CCDC97: variants seen among roughly 807,000 people sequenced by gnomAD.
CCDC97 encodes the protein coiled-coil domain containing 97.
In CCDC97, 27 loss-of-function variants were observed where a neutral mutation model predicts 33.9. The ratio of observed to expected loss-of-function variants is 0.80; its 90% CI spans 0.59 to 1.10. The LOEUF (loss-of-function observed/expected upper bound fraction) is 1.10. Among genes scored for constraint, CCDC97 ranks in the 50% least tolerant of loss-of-function variants. The probability of loss-of-function intolerance (pLI) is 0.00; values close to 1 mark genes in which losing one functional copy is unlikely to be tolerated. For synonymous variants in CCDC97, 217 were observed against 194.0 expected, an observed-to-expected ratio of 1.12 and a Z score of -0.99; for missense variants, 422 against 476.6, an observed-to-expected ratio of 0.89 and a Z score of 1.07.
At chr19:41,312,386 A>G (rs1054818085) in intron 1 of CCDC97, among the ~76,000 whole-genome samples, 1 of 151,968 alleles carries the variant, frequency 6.6e-6, no homozygotes, top group Non-Finnish European at 1.5e-5. Flanking sequence ...CACTTGGCCC[A>G]TTCAGGTTTT....
rs575154909 is a variant in CCDC97, at chr19:41,322,970, CTCTT to C, written c.*259_*262del. The C allele has an allele frequency of 9.6e-4, 313 of 325,688 alleles. 6 individuals carry two copies. In the South Asian group the frequency reaches 0.012, roughly 13 times the overall value. 20.2% of individuals were successfully genotyped at this position (325,688 alleles called of 1,614,324 possible). On this transcript the variant is annotated 3_prime_UTR_variant, in exon 5 of 5. Transcript: ENST00000269967. ...GGTGTCTGTCTGGGCTTCTTTCTGT[CTCTT>C]TCTGTCTTTCTGTCTCTCTCCCTAC...
intron 3 of CCDC97, 139 bp downstream of exon 3, chr19:41,319,991 C>CT (rs2037802543): frequency 3.3e-6 from 2 of 606,586 alleles, no homozygotes; most frequent in Non-Finnish European, 5.8e-6. Flanking sequence ...GCCTGACTCT[C>CT]TGTGTATGCC....
intron 1 of CCDC97, among the ~76,000 whole-genome samples, chr19:41,311,475 G>A (rs1483680593): frequency 6.6e-6 from 1 of 152,110 alleles, no homozygotes; most frequent in Non-Finnish European, 1.5e-5. Flanking sequence ...GCTTACACCT[G>A]TAATCGCAGC....
intron 2 of CCDC97, among the ~76,000 whole-genome samples, chr19:41,319,138 C>T (rs1308390730): frequency 6.6e-6 from 1 of 152,228 alleles, no homozygotes; most frequent in East Asian, 1.9e-4. Flanking sequence ...GAGCTCCAGA[C>T]CGTCAGAGCC....
Position 41,316,611 on chromosome 19 carries a change from A to T in CCDC97, c.274A>T (p.Lys92Ter), listed in dbSNP as rs1360807665. 8.1e-6 allele frequency: 13 copies of T among 1,614,094 alleles called. No homozygotes were observed. The highest frequency in any genetic ancestry group is 1.0e-5 in the Non-Finnish European group (12 of 1,180,048). ...QGEPDLTEHE[K>*]VAILAQLYHE... is the part of the protein sequence containing the mutation. The stretch of plus-strand genomic sequence containing the variant: ...TGAACCCGACTTGACAGAGCATGAG[A>T]AAGTGGCCATCCTGGCCCAGCTGTA... The change falls in exon 2 of 5, where the codon AAA (lysine) becomes TAA (stop). Residue 92 changes from lysine to a stop codon, truncating the protein, a stop_gained. Coordinates refer to ENST00000269967, the MANE Select transcript of CCDC97 (RefSeq NM_052848.3). LOFTEE classifies it high-confidence loss of function.
chr19:41,313,296 C>CT (rs2037708386), intron 1 of CCDC97, among the ~76,000 whole-genome samples: 1 of 152,186 alleles, frequency 6.6e-6, no homozygotes, highest in South Asian at 2.1e-4. Context: ...ACCCACAGCT[C>CT]TGTCTCCAGC....
At chr19:41,319,549 C>T (rs775918189) in intron 2 of CCDC97, 25 bp from the exon 3 acceptor site, 3 of 1,543,372 alleles carry the variant, frequency 1.9e-6, no homozygotes, top group South Asian at 1.2e-5. Context: ...TCACCCCATG[C>T]CCACCCTGTC....
chr19:41,311,822 C>T (rs762948307), intron 1 of CCDC97, among the ~76,000 whole-genome samples: 3 of 152,046 alleles, frequency 2.0e-5, no homozygotes, highest in East Asian at 1.9e-4. Flanking sequence ...TCACTTGAGC[C>T]CAGGAGGTCA....
chr19:41,320,552 T>TG lies in CCDC97; in HGVS notation c.911+87dup, dbSNP rs750771178. On this transcript the variant is annotated intron_variant, in intron 4 of 4. Transcript: ENST00000269967. Reference sequence around the variant, plus strand: ...CACATGCAGAGCCCTTAACAAGCTGTGGGGGTCTCCCTTTGTGGAGCTACA... The same window carrying TG: ...CACATGCAGAGCCCTTAACAAGCTGTGGGGGGTCTCCCTTTGTGGAGCTACA... 110 of 1,564,002 alleles carry TG rather than the reference T, an allele frequency of 7.0e-5. No homozygotes were observed. The East Asian group carries it at 2.2e-3, about 31-fold the overall frequency.
chr19:41,315,409 C>A (rs2037734015), intron 1 of CCDC97, among the ~76,000 whole-genome samples: 1 of 151,282 alleles, frequency 6.6e-6, no homozygotes, highest in Admixed American at 6.6e-5. Context: ...GAGTTGGAGA[C>A]CAGCCTAGCC....
intron 4 of CCDC97, 152 bp from the exon 5 acceptor site, chr19:41,322,443 C>T (rs1199913904): frequency 1.3e-6 from 1 of 761,156 alleles, no homozygotes; most frequent in South Asian, 2.0e-5. Context: ...GAGTTTTAAA[C>T]CCTGAGAGTT....
chr19:41,320,147 C>T (rs2037805181), intron 3 of CCDC97, among the ~76,000 whole-genome samples, 194 bp from the exon 4 acceptor site: 1 of 152,200 alleles, frequency 6.6e-6, no homozygotes, highest in Admixed American at 6.5e-5. Flanking sequence ...GATACAGTCT[C>T]CAGAGCACTA....
In CCDC97 at chr19:41,322,865, C is replaced by G; in HGVS notation, c.*150C>G. 2.5e-6 allele frequency: 2 copies of G among 793,284 alleles called. No homozygotes were observed. The highest frequency in any genetic ancestry group is 4.0e-5 in the South Asian group (2 of 50,118). The allele number at this position is 793,284 out of a possible 1,614,324, so 49.1% of individuals were successfully genotyped here. A position where few individuals can be genotyped will look rare whatever the true frequency, so the allele number is the denominator to read the frequency against. ...ACCATCTCACTGGGTCTAGTCTCATCTCAGACAACCCCCACCCCCACTGTT... is the reference window on the plus strand; with the variant it reads ...ACCATCTCACTGGGTCTAGTCTCATGTCAGACAACCCCCACCCCCACTGTT... On this transcript the variant is annotated 3_prime_UTR_variant, in exon 5 of 5. Transcript: ENST00000269967.
chr19:41,318,081 A>C (rs2037771933), intron 2 of CCDC97, among the ~76,000 whole-genome samples: 1 of 151,802 alleles, frequency 6.6e-6, no homozygotes. Context: ...GATGGAGATA[A>C]AGGAAGAGAT....
intron 1 of CCDC97, among the ~76,000 whole-genome samples, chr19:41,314,183 G>C (rs1444015017): frequency 7.0e-6 from 1 of 142,790 alleles, no homozygotes; most frequent in African/African-American, 2.6e-5. Flanking sequence ...TTTTGCTCTT[G>C]TTGCCCAGAC....
chr19:41,318,451 C>G (rs1342663807), intron 2 of CCDC97, among the ~76,000 whole-genome samples: 1 of 152,140 alleles, frequency 6.6e-6, no homozygotes, highest in Non-Finnish European at 1.5e-5. Flanking sequence ...GAGCGAGACT[C>G]CATCTCAAAA....
chr19:41,314,978 ACT>A (rs1491495362), intron 1 of CCDC97, among the ~76,000 whole-genome samples: 1 of 145,504 alleles, frequency 6.9e-6, no homozygotes, highest in African/African-American at 2.5e-5. Context: ...CTTTACTGAA[ACT>A]TTTTTTTTTT....
rs541346433 is a variant in CCDC97, at chr19:41,316,649, A to C, written c.312A>C (p.Pro104=). The C allele has an allele frequency of 5.6e-6, 9 of 1,614,066 alleles. No individual in the cohort carries two copies. Among genetic ancestry groups the C allele is most frequent in the Non-Finnish European group, 7.6e-6 (9 of 1,180,034 alleles). The change falls in exon 2 of 5, where the codon CCA becomes CCC. Residue 104 remains proline, a synonymous_variant. Coordinates refer to ENST00000269967, the MANE Select transcript of CCDC97 (RefSeq NM_052848.3). ...AILAQLYHEK[P]LVFLERFRTG... ...TGGCCCAGCTGTACCACGAGAAGCC[A>C]CTGGTGTTCCTGGAGCGCTTCCGCA...
At position 41,322,836 on chromosome 19, in the gene CCDC97, C is replaced by T. The variant is rs745780216; in HGVS notation, c.*121C>T. ...AGGGCAGTGCCCCACAACCCACACA[C>T]ACCACCATCTCACTGGGTCTAGTCT... is the stretch of plus-strand genomic sequence containing the variant. On this transcript the variant is annotated 3_prime_UTR_variant, in exon 5 of 5. Coordinates refer to ENST00000269967, the MANE Select transcript of CCDC97 (RefSeq NM_052848.3). The T allele has an allele frequency of 3.1e-4, 355 of 1,148,948 alleles. No homozygotes were observed. The highest frequency in any genetic ancestry group is 4.1e-4 in the Non-Finnish European group (334 of 815,154). The allele number at this position is 1,148,948 out of a possible 1,614,324, so 71.2% of individuals were successfully genotyped here. A position where few individuals can be genotyped will look rare whatever the true frequency, so the allele number is the denominator to read the frequency against.
Sources: gnomAD v4.1 joint callset for allele counts (sites outside exome capture counted in the v4.1 genomes callset) on GRCh38, gnomAD v4.1.1 for gene constraint, MANE v1.5 for transcripts, NCBI Gene and HGNC (gene_info 2026-07-23, HGNC 2026-07-21) for gene names.